OR10K2: variants seen among roughly 807,000 people sequenced by gnomAD.
The protein encoded by OR10K2 is olfactory receptor family 10 subfamily K member 2.
For missense variants in OR10K2, 401 were observed against 367.1 expected (o/e 1.09, Z -0.76); for synonymous variants, 169 against 146.4 (o/e 1.15, Z -1.11).
Position 158,419,873 on chromosome 1 carries a change from A to AT in OR10K2, c.*54_*55insA. ...GTGATCCACCTGTCTCAGCCTTCCA[A>AT]AATGCTGGGATTACAGTCGTGAGAA... is the stretch of plus-strand genomic sequence containing the variant. On this transcript the variant is annotated 3_prime_UTR_variant, in exon 2 of 2. Transcript: ENST00000641042. 3.3e-6 allele frequency: 5 copies of AT among 1,496,606 alleles called. No homozygotes were observed. The highest frequency in any genetic ancestry group is 4.6e-6 in the Non-Finnish European group (5 of 1,098,410). 92.7% of individuals were successfully genotyped at this position (1,496,606 alleles called of 1,614,324 possible).
At chr1:158,421,376 GATTCAA>G (rs1310096956) in intron 1 of OR10K2, among the ~76,000 whole-genome samples, 2 of 152,100 alleles carry the variant, frequency 1.3e-5, no homozygotes, top group Non-Finnish European at 2.9e-5. Context: ...CCATAACTTA[GATTCAA>G]ATTCTCTTCA....
In OR10K2 at chr1:158,420,317, C is replaced by G; in HGVS notation, c.550G>C (p.Val184Leu). The part of the protein sequence containing the change: ...LHHFFCDIAP[V>L]LKLASHHNHF... ...TTATGGTGAGATGCCAGCTTGAGGA[C>G]AGGAGCAATGTCACAGAAGAAGTGA... The change falls in exon 2 of 2, where the codon GTC (valine) becomes CTC (leucine). Residue 184 changes from valine (V) to leucine (L), a missense_variant. Val to Leu is a conservative substitution (Grantham distance 32). Transcript: ENST00000641042. The G allele has an allele frequency of 6.2e-7, 1 of 1,613,810 alleles. No homozygotes were observed. The highest frequency in any genetic ancestry group is 8.5e-7 in the Non-Finnish European group (1 of 1,179,882).
intron 1 of OR10K2, among the ~76,000 whole-genome samples, chr1:158,424,775 G>A (rs16840143): frequency 0.024 from 3,284 of 136,592 alleles, 113 homozygotes; most frequent in African/African-American, 0.081. Flanking sequence ...AGGGAAAGCA[G>A]TATTCAACAC....
intron 1 of OR10K2, among the ~76,000 whole-genome samples, chr1:158,424,749 G>A (rs926625352): frequency 2.0e-5 from 3 of 151,912 alleles, no homozygotes; most frequent in African/African-American, 7.3e-5. Flanking sequence ...GTGTGTGTGT[G>A]TGTGTGTGGT....
rs1487190695 is a variant in OR10K2 at position 158,420,763 on chromosome 1, T to C, written c.104A>G (p.Tyr35Cys). ...QLLFVIFLLLYLFTLGTNAII... is the reference protein window; with the variant it reads ...QLLFVIFLLLCLFTLGTNAII... ...TGCATTGGTGCCCAGAGTGAACAGG[T>C]AGAGGAGCAGGAAGATAACAAAGAG... is the stretch of plus-strand genomic sequence containing the variant. Residue 35 changes from tyrosine (Y) to cysteine (C), a missense_variant, in exon 2 of 2, where the codon TAC (tyrosine) becomes TGC (cysteine). Coordinates refer to ENST00000641042, the MANE Select transcript of OR10K2 (RefSeq NM_001004476.2). 6.2e-7 allele frequency: 1 copy of C among 1,613,360 alleles called. No homozygotes were observed. Among genetic ancestry groups the C allele is most frequent in the South Asian group, 1.1e-5 (1 of 91,058 alleles).
rs771087443 is a variant in OR10K2 at position 158,420,309 on chromosome 1, C to T, written c.558G>A (p.Lys186=). The T allele has an allele frequency of 2.5e-6, 4 of 1,613,694 alleles. No homozygotes were observed. In the African/African-American group the frequency reaches 5.3e-5, roughly 22 times the overall value. ...HFFCDIAPVL[K]LASHHNHFSQ... Reference sequence around the variant, plus strand: ...TAAAGTGGTTATGGTGAGATGCCAGCTTGAGGACAGGAGCAATGTCACAGA... The same window carrying T: ...TAAAGTGGTTATGGTGAGATGCCAGTTTGAGGACAGGAGCAATGTCACAGA... The change falls in exon 2 of 2, where the codon AAG becomes AAA. Residue 186 remains lysine (K), a synonymous_variant. Transcript: ENST00000641042.
In OR10K2 at chr1:158,420,322, G is replaced by A. The variant is rs149783516; in HGVS notation, c.545C>T (p.Ala182Val). Residue 182 changes from alanine to valine, a missense_variant, in exon 2 of 2, where the codon GCT (alanine) becomes GTT (valine). Transcript: ENST00000641042. Reference sequence around the variant, plus strand: ...GTGAGATGCCAGCTTGAGGACAGGAGCAATGTCACAGAAGAAGTGATGTAG... The same window carrying A: ...GTGAGATGCCAGCTTGAGGACAGGAACAATGTCACAGAAGAAGTGATGTAG... ...NQLHHFFCDIAPVLKLASHHN... is the reference protein window; with the variant it reads ...NQLHHFFCDIVPVLKLASHHN... 2.1e-5 allele frequency: 34 copies of A among 1,613,740 alleles called. No homozygotes were observed. In the African/African-American group the frequency reaches 4.4e-4, roughly 21 times the overall value.
rs59812047 is a variant in OR10K2, at chr1:158,422,618, ATAT to A, written c.-61-1694_-61-1692del. Reference sequence around the variant, plus strand: ...ACCTTACAATTATCCCATTAAAAGTATATTATTAAAATCACCTTAACTAATATT... The same window carrying A: ...ACCTTACAATTATCCCATTAAAAGTATATTAAAATCACCTTAACTAATATT... On this transcript the variant is annotated intron_variant, in intron 1 of 1. Transcript: ENST00000641042. 1.7e-3 allele frequency among the ~76,000 whole-genome samples: 263 copies of A among 152,228 alleles called. 1 individual carries two copies. Among genetic ancestry groups the A allele is most frequent in the African/African-American group, 6.1e-3 (255 of 41,562 alleles).
At chr1:158,421,159 T>C (rs1457283581) in intron 1 of OR10K2, among the ~76,000 whole-genome samples, 4 of 152,106 alleles carry the variant, frequency 2.6e-5, no homozygotes, top group African/African-American at 7.2e-5. Context: ...ATCATGAGGC[T>C]GTTGCTCAGA....
In OR10K2 at chr1:158,420,519, T is replaced by C; in HGVS notation, c.348A>G (p.Ala116=). The part of the protein sequence containing the change: ...FLGCSHSFLL[A]VMGYDRYIAI... ...CTATGTAACGATCATAACCCATGAC[T>C]GCCAGCAGAAAGGAGTGAGAGCAGC... Residue 116 remains alanine, a synonymous_variant, in exon 2 of 2, where the codon GCA becomes GCG. Transcript: ENST00000641042. 1 of 1,613,772 alleles carries C rather than the reference T, an allele frequency of 6.2e-7. No individual in the cohort carries two copies. The highest frequency in any genetic ancestry group is 8.5e-7 in the Non-Finnish European group (1 of 1,179,862).
chr1:158,424,737 C>CTGTTTGTGTGTGTGTG (rs1655218158), intron 1 of OR10K2, among the ~76,000 whole-genome samples: 1 of 149,358 alleles, frequency 6.7e-6, no homozygotes, highest in Non-Finnish European at 1.5e-5. Flanking sequence ...ACAGTACAAT[C>CTGTTTGTGTGTGTGTG]TGTGTGTGTG....
rs1655078945 is a variant in OR10K2, at chr1:158,418,304, G to A, written c.*1624C>T. 3 of 152,066 alleles carry A rather than the reference G, an allele frequency of 2.0e-5. No individual in the cohort carries two copies. Among genetic ancestry groups the A allele is most frequent in the Admixed American group, 1.3e-4 (2 of 15,244 alleles). The allele number at this position is 152,066 out of a possible 1,614,324, so 9.4% of individuals were successfully genotyped here. A position where few individuals can be genotyped will look rare whatever the true frequency, so the allele number is the denominator to read the frequency against. On this transcript the variant is annotated 3_prime_UTR_variant, in exon 2 of 2. Transcript: ENST00000641042. ...TATATACTTCCCAGTGTGCTCTAAA[G>A]TTTAGATGAAGTAACATTGTTAAAC...
intron 1 of OR10K2, among the ~76,000 whole-genome samples, chr1:158,423,220 G>A (rs1382892485): frequency 1.6e-5 from 2 of 128,116 alleles, no homozygotes; most frequent in Admixed American, 7.7e-5. Context: ...CTGGTTCTTC[G>A]CCCAATATTT....
At chr1:158,421,323 C>A (rs1655153252) in intron 1 of OR10K2, among the ~76,000 whole-genome samples, 1 of 152,044 alleles carries the variant, frequency 6.6e-6, no homozygotes, top group South Asian at 2.1e-4. Flanking sequence ...TCTTAATTGT[C>A]ATTCTCGTTA....
chr1:158,418,843 A>T lies in OR10K2; in HGVS notation c.*1085T>A, dbSNP rs1422588856. On this transcript the variant is annotated 3_prime_UTR_variant, in exon 2 of 2. Transcript: ENST00000641042. ...AAATTCAAGTTCTGGTCTCAAATGT[A>T]CATGCAAACTCTTGAGTTGCATGGA... 1 of 152,146 alleles carries T rather than the reference A, an allele frequency of 6.6e-6. No individual in the cohort carries two copies. The highest frequency in any genetic ancestry group is 1.9e-4 in the East Asian group (1 of 5,186). The allele number at this position is 152,146 out of a possible 1,614,324, so 9.4% of individuals were successfully genotyped here.
At chr1:158,425,120 G>C (rs546324382) in intron 1 of OR10K2, among the ~76,000 whole-genome samples, 1 of 152,084 alleles carries the variant, frequency 6.6e-6, no homozygotes, top group East Asian at 1.9e-4. Flanking sequence ...GTTGGTTTTG[G>C]GAGGGATTTA....
At chr1:158,424,706 T>C (rs536082168) in intron 1 of OR10K2, among the ~76,000 whole-genome samples, 1 of 147,474 alleles carries the variant, frequency 6.8e-6, no homozygotes, top group Non-Finnish European at 1.5e-5. Flanking sequence ...TTCACACAGC[T>C]GGTGGAACCA....
At position 158,420,903 on chromosome 1, in the gene OR10K2, G is replaced by T. The variant is rs780760470; in HGVS notation, c.-37C>A. The T allele has an allele frequency of 4.4e-6, 7 of 1,576,042 alleles. No individual in the cohort carries two copies. The highest frequency in any genetic ancestry group is 6.0e-6 in the Non-Finnish European group (7 of 1,157,880). ...CATCAGGAGACAATTAGGGAGAGAA[G>T]AGGAGTCAGCACCAAAAGAAATCCC... is the stretch of plus-strand genomic sequence containing the variant. On this transcript the variant is annotated 5_prime_UTR_variant, in exon 2 of 2. Transcript: ENST00000641042.
At chr1:158,421,274 A>T (rs947424656) in intron 1 of OR10K2, among the ~76,000 whole-genome samples, 4 of 152,116 alleles carry the variant, frequency 2.6e-5, no homozygotes, top group African/African-American at 9.7e-5. Flanking sequence ...TGCAAAGTAA[A>T]CCATCTGAAT....
Sources: gnomAD v4.1 joint callset for allele counts (sites outside exome capture counted in the v4.1 genomes callset) on GRCh38, gnomAD v4.1.1 for gene constraint, MANE v1.5 for transcripts, NCBI Gene and HGNC (gene_info 2026-07-23, HGNC 2026-07-21) for gene names.